Variants in RXFP1 observed in about 807,000 individuals in gnomAD.
The protein encoded by RXFP1 is relaxin family peptide receptor 1, also known as relaxin receptor 1.
RXFP1 carries 73 observed loss-of-function variants against 89.8 expected under a neutral mutation model. The observed-to-expected ratio is 0.81, with a 90% confidence interval of 0.67 to 0.99. RXFP1 has a LOEUF of 0.99. Ranked by LOEUF, RXFP1 falls within the 50% of genes least tolerant of loss-of-function variation. The pLI is 0.00. For missense variants in RXFP1, 793 were observed against 895.5 expected (o/e 0.89, Z 1.46); for synonymous variants, 277 against 305.5 (o/e 0.91, Z 0.97).
chr4:158,594,387 GGT>G (rs1174857318), intron 3 of RXFP1, among the ~76,000 whole-genome samples: 1 of 152,132 alleles, frequency 6.6e-6, no homozygotes, highest in Non-Finnish European at 1.5e-5. Context: ...TATTTTCTGG[GGT>G]GGCACTATCA....
At chr4:158,591,397 G>T (rs557005032) in intron 2 of RXFP1, among the ~76,000 whole-genome samples, 2 of 152,196 alleles carry the variant, frequency 1.3e-5, no homozygotes, top group South Asian at 2.1e-4. Context: ...TCAGGGGCTG[G>T]TATTTGCTGG....
intron 1 of RXFP1, among the ~76,000 whole-genome samples, chr4:158,536,818 C>T (rs1432739517): frequency 6.6e-6 from 1 of 152,068 alleles, no homozygotes. Context: ...AAATTAGATG[C>T]ATATTTGGAA....
intron 2 of RXFP1, among the ~76,000 whole-genome samples, chr4:158,576,206 C>T (rs1414591207): frequency 6.6e-6 from 1 of 152,178 alleles, no homozygotes; most frequent in Non-Finnish European, 1.5e-5. Flanking sequence ...ACCTAGACCA[C>T]TGGATCTCCA....
intron 9 of RXFP1, among the ~76,000 whole-genome samples, chr4:158,620,998 C>CGTT (rs1561144527): frequency 6.6e-6 from 1 of 151,740 alleles, no homozygotes; most frequent in African/African-American, 2.4e-5. Context: ...TTTAGCTGGG[C>CGTT]GTGGTGGTGG....
At chr4:158,650,784 T>C (rs1406546386) in intron 17 of RXFP1, among the ~76,000 whole-genome samples, 1 of 151,856 alleles carries the variant, frequency 6.6e-6, no homozygotes, top group Non-Finnish European at 1.5e-5. Context: ...AAAAAAACAA[T>C]TGTATATATT....
At chr4:158,558,132 T>C (rs1668705335) in intron 1 of RXFP1, among the ~76,000 whole-genome samples, 1 of 152,246 alleles carries the variant, frequency 6.6e-6, no homozygotes, top group African/African-American at 2.4e-5. Context: ...GTTCTTGATC[T>C]GAGAAGGAAC....
chr4:158,568,477 T>C (rs1201424420), intron 1 of RXFP1, among the ~76,000 whole-genome samples: 2 of 152,246 alleles, frequency 1.3e-5, no homozygotes, highest in African/African-American at 4.8e-5. Flanking sequence ...AAAGAATTTT[T>C]CTTAAAATCT....
At chr4:158,607,041 C>G (rs1447998854) in intron 5 of RXFP1, 1 of 1,532,088 alleles carries the variant, frequency 6.5e-7, no homozygotes, top group Admixed American at 2.0e-5. Flanking sequence ...TGCATATAAA[C>G]TTTCAGGACA....
In RXFP1 at chr4:158,539,654, G is replaced by A. The variant is rs140592338; in HGVS notation, c.49+17629G>A. Among the ~76,000 whole-genome samples, 1,066 of 152,238 alleles carry A rather than the reference G, an allele frequency of 7.0e-3. 12 individuals are homozygous for A. Among genetic ancestry groups the A allele is most frequent in the African/African-American group, 0.023 (950 of 41,524 alleles). The stretch of plus-strand genomic sequence containing the variant: ...GTCTTAGCATCAAATTAGACCACAT[G>A]TGCTGCTTAGCATTTCAGATAGTGT... On this transcript the variant is annotated intron_variant, in intron 1 of 17. Transcript: ENST00000307765.
At chr4:158,626,173 T>TAGAC (rs1766779158) in intron 9 of RXFP1, among the ~76,000 whole-genome samples, 3 of 145,866 alleles carry the variant, frequency 2.1e-5, no homozygotes, top group African/African-American at 7.4e-5. Context: ...GATAGATAGA[T>TAGAC]AGATGTAGAG....
chr4:158,612,530 C>G (rs978793450), intron 8 of RXFP1, among the ~76,000 whole-genome samples, 168 bp downstream of exon 8: 1 of 151,872 alleles, frequency 6.6e-6, no homozygotes, highest in Non-Finnish European at 1.5e-5. Flanking sequence ...ATAGTTCCAA[C>G]AATTTTAAAA....
At chr4:158,530,793 A>G (rs1743834424) in intron 1 of RXFP1, among the ~76,000 whole-genome samples, 1 of 152,178 alleles carries the variant, frequency 6.6e-6, no homozygotes. Flanking sequence ...CCTGGAAAGG[A>G]AAGAGGGATT....
chr4:158,630,528 G>A (rs952211721), intron 11 of RXFP1, among the ~76,000 whole-genome samples: 17 of 152,144 alleles, frequency 1.1e-4, no homozygotes, highest in Admixed American at 9.8e-4. Context: ...TAGCCTTCAT[G>A]GTGGCAGTCA....
chr4:158,546,339 A>G (rs892387235), intron 1 of RXFP1, among the ~76,000 whole-genome samples: 31 of 152,110 alleles, frequency 2.0e-4, no homozygotes, highest in African/African-American at 7.0e-4. Flanking sequence ...ATCAGCTTAA[A>G]GAGATTTTGG....
chr4:158,646,696 G>C, intron 15 of RXFP1, 95 bp from the exon 16 acceptor site: 1 of 1,475,610 alleles, frequency 6.8e-7, no homozygotes, highest in East Asian at 2.3e-5. Flanking sequence ...GAAGAAACTT[G>C]ACTATTTTTT....
intron 9 of RXFP1, among the ~76,000 whole-genome samples, chr4:158,618,198 G>A (rs1283326208): frequency 6.6e-6 from 1 of 151,968 alleles, no homozygotes; most frequent in Admixed American, 6.6e-5. Context: ...ATTGAATTTT[G>A]GTTCAAATGA....
At chr4:158,645,248 C>T (rs1771287565) in intron 15 of RXFP1, 110 bp downstream of exon 15, 2 of 777,746 alleles carry the variant, frequency 2.6e-6, no homozygotes, top group South Asian at 1.9e-5. Context: ...ACATTTTTCT[C>T]CTTTTTGCTT....
intron 9 of RXFP1, among the ~76,000 whole-genome samples, chr4:158,622,112 G>C (rs1488820327): frequency 6.6e-6 from 1 of 151,962 alleles, no homozygotes; most frequent in Admixed American, 6.6e-5. Flanking sequence ...GGAGTTCGAG[G>C]CCAGCCTGGC....
At chr4:158,586,160 T>C (rs1419972700) in intron 2 of RXFP1, among the ~76,000 whole-genome samples, 1 of 152,240 alleles carries the variant, frequency 6.6e-6, no homozygotes, top group East Asian at 1.9e-4. Context: ...TTTGGATAAA[T>C]GCCCCAGCTC....
Sources: allele counts gnomAD v4.1 joint callset (sites outside exome capture counted in the v4.1 genomes callset), GRCh38; gene constraint gnomAD v4.1.1; transcripts MANE v1.5; gene names NCBI Gene and HGNC (gene_info 2026-07-23, HGNC 2026-07-21).